The following AOPEP variants were observed in gnomAD, a reference collection of about 807,000 sequenced individuals.
AOPEP encodes aminopeptidase O.
Under a neutral mutation model 98.1 loss-of-function variants are expected in AOPEP, and 77 were observed. The ratio of observed to expected loss-of-function variants is 0.78; its 90% confidence interval spans 0.65 to 0.95. The LOEUF is 0.95. Among genes scored for constraint, AOPEP ranks in the 40% least tolerant of loss-of-function variants. The pLI is 0.00. For synonymous variants in AOPEP, 346 were observed against 365.3 expected, an observed-to-expected ratio of 0.95 and a Z score of 0.60; for missense variants, 1,024 against 1,024.7, an observed-to-expected ratio of 1.00 and a Z score of 0.01.
At chr9:95,084,309 TGAAAA>T (rs1318288333) in intron 16 of AOPEP, among the ~76,000 whole-genome samples, 1 of 152,162 alleles carries the variant, frequency 6.6e-6, no homozygotes, top group Non-Finnish European at 1.5e-5. Flanking sequence ...ACTCTAATAA[TGAAAA>T]GAAATAAAAA....
At chr9:94,849,352 A>G (rs571748230) in intron 5 of AOPEP, among the ~76,000 whole-genome samples, 1 of 152,248 alleles carries the variant, frequency 6.6e-6, no homozygotes, top group Non-Finnish European at 1.5e-5. Flanking sequence ...AGCAGTTCCC[A>G]GCACATAGTG....
At chr9:94,856,610 C>T (rs2044244651) in intron 5 of AOPEP, among the ~76,000 whole-genome samples, 1 of 142,160 alleles carries the variant, frequency 7.0e-6, no homozygotes, top group African/African-American at 2.7e-5. Context: ...CATTGCACTT[C>T]AGCCTGGGCA....
intron 14 of AOPEP, among the ~76,000 whole-genome samples, chr9:95,070,974 AC>A (rs1225902207): frequency 6.6e-6 from 1 of 152,232 alleles, no homozygotes; most frequent in Non-Finnish European, 1.5e-5. Flanking sequence ...GCTAAAGGCT[AC>A]TAGGACACAC....
chr9:94,930,518 C>G lies in AOPEP; in HGVS notation c.1661+1987C>G, dbSNP rs1375216729. Among the ~76,000 whole-genome samples the G allele has an allele frequency of 6.6e-6, 1 of 152,046 alleles. No individual in the cohort carries two copies. Among genetic ancestry groups the G allele is most frequent in the African/African-American group, 2.4e-5 (1 of 41,382 alleles). ...TATAAAACCCTTTAAATCTTGAACACAGTGAAATCCTCAGGGAGAGAGGAA... is the reference window on the plus strand; with the variant it reads ...TATAAAACCCTTTAAATCTTGAACAGAGTGAAATCCTCAGGGAGAGAGGAA... On this transcript the variant is annotated intron_variant, in intron 7 of 16. Coordinates refer to ENST00000375315, the MANE Select transcript of AOPEP (RefSeq NM_001193329.3). The surrounding 1 kb of genome is among the most constrained non-coding windows in gnomAD (Gnocchi z 4.5).
chr9:94,728,238 T>TACAC (rs1829670464), intron 1 of AOPEP, among the ~76,000 whole-genome samples: 1 of 80,868 alleles, frequency 1.2e-5, no homozygotes, highest in African/African-American at 6.1e-5. Context: ...CGTGCGCGCA[T>TACAC]GCACACACAC....
chr9:95,022,318 G>A (rs2063512811), intron 13 of AOPEP: 1 of 152,164 alleles, frequency 6.6e-6, no homozygotes, highest in Admixed American at 6.5e-5. Flanking sequence ...CTGAAAAACT[G>A]TTGCCAGCAT....
intron 1 of AOPEP, among the ~76,000 whole-genome samples, chr9:94,745,468 G>A (rs571197055): frequency 1.3e-4 from 19 of 151,826 alleles, no homozygotes; most frequent in African/African-American, 4.1e-4. Flanking sequence ...GTAGAGACGG[G>A]GTTTCACCGT....
intron 7 of AOPEP, among the ~76,000 whole-genome samples, chr9:94,938,882 T>TAA (rs1368137934): frequency 6.6e-6 from 1 of 152,220 alleles, no homozygotes; most frequent in Admixed American, 6.5e-5. Context: ...AACAGAGGCA[T>TAA]AAGTTCGGAA....
intron 5 of AOPEP, among the ~76,000 whole-genome samples, chr9:94,883,546 A>C (rs1021415839): frequency 5.3e-5 from 8 of 152,174 alleles, no homozygotes; most frequent in Non-Finnish European, 8.8e-5. Flanking sequence ...GAAACTCCTC[A>C]GGTTTTCAGT....
chr9:94,853,661 A>G (rs570990065), intron 5 of AOPEP, among the ~76,000 whole-genome samples: 121 of 152,348 alleles, frequency 7.9e-4, no homozygotes, highest in Admixed American at 2.6e-3. Context: ...GAGATTCTAC[A>G]GTGATATCAG....
intron 3 of AOPEP, among the ~76,000 whole-genome samples, chr9:94,790,106 A>C (rs1309472374): frequency 6.6e-6 from 1 of 151,390 alleles, no homozygotes; most frequent in Non-Finnish European, 1.5e-5. Flanking sequence ...CGATCTCCTG[A>C]CCTCGTGATC....
At chr9:95,032,511 A>G (rs922444473) in intron 13 of AOPEP, among the ~76,000 whole-genome samples, 4 of 152,248 alleles carry the variant, frequency 2.6e-5, no homozygotes, top group African/African-American at 4.8e-5. Context: ...CCTCTGTCCT[A>G]TGGTGAGCCA....
chr9:95,098,525 A>G, the AOPEP span, among the ~76,000 whole-genome samples: 1 of 151,866 alleles, frequency 6.6e-6, no homozygotes, highest in Non-Finnish European at 1.5e-5. Flanking sequence ...GAGGGGCCCT[A>G]GTGTCCCATA....
chr9:95,124,768 G>C, the AOPEP span, among the ~76,000 whole-genome samples: 1 of 152,200 alleles, frequency 6.6e-6, no homozygotes, highest in African/African-American at 2.4e-5. Flanking sequence ...GCAGCCAGGG[G>C]GCAGTGTCCT....
intron 5 of AOPEP, chr9:94,921,240 G>A (rs1400926691): frequency 6.6e-6 from 1 of 152,282 alleles, no homozygotes; most frequent in Non-Finnish European, 1.5e-5. Context: ...AGTGAGGCTT[G>A]TCAGGGGGAA....
the AOPEP span, chr9:95,135,381 T>A: frequency 6.2e-7 from 1 of 1,614,148 alleles, no homozygotes; most frequent in Non-Finnish European, 8.5e-7. Flanking sequence ...TCGATCCTTC[T>A]CAGACAATTT....
At chr9:95,075,469 G>A (rs1181657929) in intron 14 of AOPEP, among the ~76,000 whole-genome samples, 1 of 152,146 alleles carries the variant, frequency 6.6e-6, no homozygotes, top group Non-Finnish European at 1.5e-5. Flanking sequence ...TCAAAGATGA[G>A]CTAATTTTCC....
intron 1 of AOPEP, among the ~76,000 whole-genome samples, chr9:94,743,193 A>AGAAGAGGAAGAAAGAG (rs61707177): frequency 8.2e-6 from 1 of 121,932 alleles, no homozygotes; most frequent in African/African-American, 3.2e-5. Flanking sequence ...AAGAAGAAGA[A>AGAAGAGGAAGAAAGAG]GAAGAAGAGG....
intron 3 of AOPEP, among the ~76,000 whole-genome samples, chr9:94,782,772 A>G (rs1322828848): frequency 6.6e-6 from 1 of 152,200 alleles, no homozygotes; most frequent in Admixed American, 6.5e-5. Context: ...AAACGTATTA[A>G]TCTTTTCCCA....
Sources: allele counts gnomAD v4.1 joint callset (sites outside exome capture counted in the v4.1 genomes callset), GRCh38; gene constraint gnomAD v4.1.1; non-coding constraint Gnocchi (gnomAD v3.1); transcripts MANE v1.5; gene names NCBI Gene and HGNC (gene_info 2026-07-23, HGNC 2026-07-21).